Variants in ASTN2 observed in about 807,000 individuals in gnomAD.
The protein encoded by ASTN2 is astrotactin 2, also known as astrotactin-2.
In ASTN2, 54 loss-of-function variants were observed where a neutral mutation model predicts 139.8. The ratio of observed to expected loss-of-function variants is 0.39; its 90% CI spans 0.31 to 0.48. ASTN2 has a LOEUF of 0.48. Ranked by LOEUF, ASTN2 falls within the 20% of genes least tolerant of loss-of-function variation. The pLI is 0.95. For missense variants in ASTN2, 1,565 were observed against 1,725.1 expected (o/e 0.91, Z 1.64); for synonymous variants, 756 against 719.5 (o/e 1.05, Z -0.81).
chr9:117,326,318 G>A (rs769362570), intron 1 of ASTN2, among the ~76,000 whole-genome samples: 1 of 152,116 alleles, frequency 6.6e-6, no homozygotes, highest in Non-Finnish European at 1.5e-5. Flanking sequence ...GAGAAAAAGA[G>A]GGTTTTGCCC....
chr9:116,426,394 TATA>T (rs1564268371), intron 22 of ASTN2, among the ~76,000 whole-genome samples: 4 of 152,198 alleles, frequency 2.6e-5, no homozygotes, highest in African/African-American at 7.2e-5. Flanking sequence ...TAGGTATTAT[TATA>T]ATGATTAAAA....
chr9:116,731,085 C>T (rs189171932), intron 14 of ASTN2, among the ~76,000 whole-genome samples: 85 of 151,956 alleles, frequency 5.6e-4, no homozygotes, highest in African/African-American at 2.0e-3. Flanking sequence ...GTTACTCTAT[C>T]GCTGACTCTC....
rs1435764832 is a variant in ASTN2, at chr9:116,697,757, A to C, written c.2806+28014T>G. On this transcript the variant is annotated intron_variant, in intron 16 of 22. Transcript: ENST00000313400. Reference sequence around the variant, plus strand: ...AAGGAAGAGCAATGGCTGCAGCAGCAGCTTCTCACCTGAACCTGGATGCCC... The same window carrying C: ...AAGGAAGAGCAATGGCTGCAGCAGCCGCTTCTCACCTGAACCTGGATGCCC... The C allele has an allele frequency of 1.9e-6, 3 of 1,613,982 alleles. No homozygotes were observed. The highest frequency in any genetic ancestry group is 4.5e-5 in the East Asian group (2 of 44,880).
intron 13 of ASTN2, among the ~76,000 whole-genome samples, chr9:116,747,784 A>G (rs1040034957): frequency 9.2e-5 from 14 of 152,112 alleles, no homozygotes; most frequent in African/African-American, 3.4e-4. Flanking sequence ...TACACAAAGC[A>G]CATGTCTTCC....
intron 2 of ASTN2, among the ~76,000 whole-genome samples, chr9:117,274,867 C>G (rs1342080366): frequency 6.6e-6 from 1 of 152,202 alleles, no homozygotes; most frequent in African/African-American, 2.4e-5. Context: ...CCCCAGATAA[C>G]CTTATTACCT....
At chr9:116,611,911 A>G (rs958859938) in intron 19 of ASTN2, 1 of 152,190 alleles carries the variant, frequency 6.6e-6, no homozygotes, top group Non-Finnish European at 1.5e-5. Context: ...AAAATATTTT[A>G]TAATTCATTT....
At chr9:117,412,949 T>C (rs1831209458) in intron 1 of ASTN2, among the ~76,000 whole-genome samples, 1 of 152,084 alleles carries the variant, frequency 6.6e-6, no homozygotes, top group Non-Finnish European at 1.5e-5. Context: ...TACTGGTTTG[T>C]GTGTGTCTGT....
chr9:117,303,976 G>A (rs1834938521), intron 1 of ASTN2, among the ~76,000 whole-genome samples: 1 of 152,182 alleles, frequency 6.6e-6, no homozygotes. Context: ...TGGAGGCAGA[G>A]AGAAGGATGG....
intron 11 of ASTN2, among the ~76,000 whole-genome samples, chr9:116,840,491 TG>T (rs1832187435): frequency 8.3e-6 from 1 of 120,510 alleles, no homozygotes; most frequent in African/African-American, 3.3e-5. Flanking sequence ...ACGGGGCGGC[TG>T]GCCGGACGGG....
intron 19 of ASTN2, chr9:116,586,003 T>A (rs1369345177): frequency 6.6e-6 from 1 of 152,116 alleles, no homozygotes; most frequent in African/African-American, 2.4e-5. Context: ...TAACAGACAC[T>A]TCTGAAAAGA....
chr9:116,906,913 G>T (rs563883532), intron 10 of ASTN2, among the ~76,000 whole-genome samples: 2 of 152,196 alleles, frequency 1.3e-5, no homozygotes, highest in South Asian at 4.2e-4. Context: ...CCCTTAAAAT[G>T]TCTCTATTAA....
At chr9:116,558,552 T>A (rs1052608804) in intron 19 of ASTN2, among the ~76,000 whole-genome samples, 8 of 152,214 alleles carry the variant, frequency 5.3e-5, no homozygotes, top group Non-Finnish European at 1.2e-4. Flanking sequence ...GGCCAATGAC[T>A]TGGCATTGCT....
chr9:117,329,180 C>CTTTTTTTTTTT (rs749880987), intron 1 of ASTN2, among the ~76,000 whole-genome samples: 45 of 82,494 alleles, frequency 5.5e-4, no homozygotes, highest in Non-Finnish European at 7.3e-4. Context: ...CTTCCAAGTT[C>CTTTTTTTTTTT]TTTTTTTTTT....
At chr9:116,744,556 G>A (rs1333800688) in intron 13 of ASTN2, among the ~76,000 whole-genome samples, 1 of 152,120 alleles carries the variant, frequency 6.6e-6, no homozygotes, top group Non-Finnish European at 1.5e-5. Context: ...ACAGAGAAGA[G>A]GCACAGATTT....
At chr9:116,654,042 A>G (rs1028689314) in intron 16 of ASTN2, among the ~76,000 whole-genome samples, 1 of 152,244 alleles carries the variant, frequency 6.6e-6, no homozygotes, top group Admixed American at 6.5e-5. Context: ...GACCAGACGG[A>G]TAGTTTTGAG....
chr9:116,455,252 G>A (rs1426879996), intron 20 of ASTN2, among the ~76,000 whole-genome samples: 1 of 151,684 alleles, frequency 6.6e-6, no homozygotes, highest in Non-Finnish European at 1.5e-5. Flanking sequence ...AGAAGGCTGA[G>A]GCAGGAGAAT....
At chr9:116,558,196 G>A (rs1292456116) in intron 19 of ASTN2, among the ~76,000 whole-genome samples, 2 of 152,142 alleles carry the variant, frequency 1.3e-5, no homozygotes, top group Non-Finnish European at 2.9e-5. Flanking sequence ...CAGCTGTGAT[G>A]TTGCAGACAA....
At chr9:117,354,916 C>A (rs986624729) in intron 1 of ASTN2, among the ~76,000 whole-genome samples, 1 of 152,206 alleles carries the variant, frequency 6.6e-6, no homozygotes, top group Non-Finnish European at 1.5e-5. Context: ...CTCAACGATT[C>A]TTCCTTCAAG....
intron 14 of ASTN2, among the ~76,000 whole-genome samples, chr9:116,732,248 G>A (rs1416886638): frequency 6.6e-6 from 1 of 152,180 alleles, no homozygotes; most frequent in African/African-American, 2.4e-5. Context: ...TTGCTAACAA[G>A]TTTAAAGGGG....
Sources: allele counts gnomAD v4.1 joint callset (sites outside exome capture counted in the v4.1 genomes callset), GRCh38; gene constraint gnomAD v4.1.1; transcripts MANE v1.5; gene names NCBI Gene and HGNC (gene_info 2026-07-23, HGNC 2026-07-21).